GTF2E2: variants seen among roughly 807,000 people sequenced by gnomAD.
The protein encoded by GTF2E2 is transcription initiation factor IIE subunit beta.
A neutral mutation model predicts 40.5 loss-of-function variants in GTF2E2; 21 were observed. The ratio of observed to expected loss-of-function variants is 0.52; its 90% confidence interval spans 0.37 to 0.75. The LOEUF (loss-of-function observed/expected upper bound fraction) is 0.75, where lower values mean the gene tolerates loss of function less well. Ranked by LOEUF, GTF2E2 falls within the 30% of genes least tolerant of loss-of-function variation. The pLI, the probability that GTF2E2 is intolerant of heterozygous loss-of-function variation, is 0.00. For synonymous variants in GTF2E2, 117 were observed against 121.6 expected (o/e 0.96, Z 0.25); for missense variants, 298 against 338.4 (o/e 0.88, Z 0.94).
At chr8:30,586,027 A>C (rs188024223) in intron 6 of GTF2E2, among the ~76,000 whole-genome samples, 10 of 152,060 alleles carry the variant, frequency 6.6e-5, no homozygotes, top group Admixed American at 4.6e-4. Context: ...TGTGAGCTAC[A>C]ATTGTGCCAC....
intron 1 of GTF2E2, among the ~76,000 whole-genome samples, chr8:30,656,157 G>A (rs1447742181): frequency 6.6e-6 from 1 of 152,138 alleles, no homozygotes; most frequent in Non-Finnish European, 1.5e-5. Context: ...AACCCACAAG[G>A]CCTCTACATT....
At position 30,580,321 on chromosome 8, in the gene GTF2E2, T is replaced by C; in HGVS notation, c.719A>G (p.Gln240Arg). 2 of 1,610,124 alleles carry C rather than the reference T, an allele frequency of 1.2e-6. No homozygotes were observed. Among genetic ancestry groups the C allele is most frequent in the South Asian group, 1.1e-5 (1 of 90,990 alleles). ...AGATTCCTGCATGGAAGAAATACCC[T>C]GTCGCTTCAGATATTCTTCAATTTT... ...EEKIEEYLKR[Q>R]GISSMQESGP... Residue 240 changes from glutamine to arginine, a missense_variant, in exon 7 of 8, where the codon CAG becomes CGG. By Grantham distance (43) the Gln-to-Arg change is conservative. Coordinates refer to ENST00000355904, the MANE Select transcript of GTF2E2 (RefSeq NM_002095.6).
Position 30,578,946 on chromosome 8 carries a change from TA to T in GTF2E2, c.850del (p.Tyr284ThrfsTer28). ...NEHLAGVLKDYSDITSSK is the reference protein window; with the variant it reads ...NEHLAGVLKDXSDITSSK ...CTATTTGCTGGAAGTAATGTCAGAGTAATCCTTCAGCACTCCAGCCAAGTGT... is the reference window on the plus strand; with the variant it reads ...CTATTTGCTGGAAGTAATGTCAGAGTATCCTTCAGCACTCCAGCCAAGTGT... On this transcript the variant is annotated frameshift_variant, in exon 8 of 8. Transcript: ENST00000355904. LOFTEE classifies it high-confidence loss of function. 6.3e-7 allele frequency: 1 copy of T among 1,585,890 alleles called. No homozygotes were observed. Among genetic ancestry groups the T allele is most frequent in the Non-Finnish European group, 8.7e-7 (1 of 1,154,328 alleles).
intron 4 of GTF2E2, among the ~76,000 whole-genome samples, chr8:30,614,063 A>T (rs148133058): frequency 1.7e-3 from 259 of 152,368 alleles, no homozygotes; most frequent in African/African-American, 5.9e-3. Flanking sequence ...TAAATCTGGC[A>T]ATACAAAATA....
intron 3 of GTF2E2, among the ~76,000 whole-genome samples, chr8:30,619,781 G>A (rs752267618): frequency 9.9e-5 from 15 of 151,964 alleles, no homozygotes; most frequent in South Asian, 2.1e-4. Context: ...ATTTATAGCC[G>A]CTGAGTGAAT....
intron 3 of GTF2E2, among the ~76,000 whole-genome samples, chr8:30,623,950 A>C (rs1049886865): frequency 1.4e-4 from 21 of 151,584 alleles, no homozygotes; most frequent in African/African-American, 5.1e-4. Flanking sequence ...ATTTTCTCCC[A>C]TTCTGTAGGT....
chr8:30,647,319 G>A (rs1263256553), intron 2 of GTF2E2, among the ~76,000 whole-genome samples: 1 of 152,140 alleles, frequency 6.6e-6, no homozygotes, highest in East Asian at 1.9e-4. Flanking sequence ...GGTGGCTCAC[G>A]CCTGCAATCC....
At chr8:30,648,948 G>A (rs1207348969) in intron 2 of GTF2E2, among the ~76,000 whole-genome samples, 1 of 152,166 alleles carries the variant, frequency 6.6e-6, no homozygotes, top group African/African-American at 2.4e-5. Flanking sequence ...CTGTCGAATG[G>A]GACCTGTTTG....
At chr8:30,620,054 TAA>T in intron 3 of GTF2E2, among the ~76,000 whole-genome samples, 1 of 151,948 alleles carries the variant, frequency 6.6e-6, no homozygotes, top group East Asian at 1.9e-4. Context: ...ACTGACAGAG[TAA>T]AGAGATGCTC....
rs1212674222 is a variant in GTF2E2 at position 30,601,492 on chromosome 8, A to C, written c.643+5565T>G. On this transcript the variant is annotated intron_variant, in intron 6 of 7. Coordinates refer to ENST00000355904, the MANE Select transcript of GTF2E2 (RefSeq NM_002095.6). ...AAGCTAAGCTACTGGTATCTAAACAAGCCAAGGATGCTGATCAATGCCCTA... is the reference window on the plus strand; with the variant it reads ...AAGCTAAGCTACTGGTATCTAAACACGCCAAGGATGCTGATCAATGCCCTA... Among the ~76,000 whole-genome samples the C allele has an allele frequency of 7.2e-5, 11 of 152,318 alleles. 1 individual carries two copies. The South Asian group carries it at 1.7e-3, about 23-fold the overall frequency.
chr8:30,587,353 C>T (rs1365335725), intron 6 of GTF2E2, among the ~76,000 whole-genome samples: 2 of 151,644 alleles, frequency 1.3e-5, no homozygotes, highest in Admixed American at 6.6e-5. Flanking sequence ...GTGGAGGCTG[C>T]AGTTAGCTGA....
chr8:30,597,840 C>A (rs1563479350), intron 6 of GTF2E2, among the ~76,000 whole-genome samples: 1 of 152,174 alleles, frequency 6.6e-6, no homozygotes, highest in Admixed American at 6.5e-5. Flanking sequence ...TCACTATAGG[C>A]ATATATGAAA....
rs560472936 is a variant in GTF2E2, at chr8:30,613,456, T to C, written c.367-975A>G. On this transcript the variant is annotated intron_variant, in intron 4 of 7. Coordinates refer to ENST00000355904, the MANE Select transcript of GTF2E2 (RefSeq NM_002095.6). ...TCTTCAAAAAGAGCAACCCTATATATTTTCTTCTGCAGCTGCCAGCCTGAC... is the reference window on the plus strand; with the variant it reads ...TCTTCAAAAAGAGCAACCCTATATACTTTCTTCTGCAGCTGCCAGCCTGAC... 4.6e-5 allele frequency among the ~76,000 whole-genome samples: 7 copies of C among 152,304 alleles called. No homozygotes were observed. In the South Asian group the frequency reaches 1.0e-3, roughly 23 times the overall value.
At chr8:30,651,453 T>C (rs1586011769) in intron 2 of GTF2E2, among the ~76,000 whole-genome samples, 1 of 151,820 alleles carries the variant, frequency 6.6e-6, no homozygotes, top group Non-Finnish European at 1.5e-5. Flanking sequence ...ATAAGTGAGA[T>C]TGAATCAGAA....
intron 3 of GTF2E2, among the ~76,000 whole-genome samples, chr8:30,624,949 T>C (rs1359955909): frequency 1.5e-5 from 2 of 134,338 alleles, no homozygotes; most frequent in Non-Finnish European, 3.2e-5. Flanking sequence ...TCATGTCATC[T>C]GCAAACAGGG....
intron 2 of GTF2E2, chr8:30,645,163 CATTA>C (rs1802020782): frequency 1.1e-6 from 1 of 870,356 alleles, no homozygotes; most frequent in Admixed American, 3.0e-5. Context: ...ACCATTTAGG[CATTA>C]ATTAAGGAAG....
chr8:30,644,295 C>G (rs1253383660), intron 2 of GTF2E2, among the ~76,000 whole-genome samples: 1 of 152,168 alleles, frequency 6.6e-6, no homozygotes, highest in East Asian at 1.9e-4. Flanking sequence ...TAACTGATAC[C>G]TTTGGGAGGG....
At chr8:30,598,783 C>A (rs1239014409) in intron 6 of GTF2E2, among the ~76,000 whole-genome samples, 1 of 152,152 alleles carries the variant, frequency 6.6e-6, no homozygotes, top group African/African-American at 2.4e-5. Flanking sequence ...CATGTGGGGA[C>A]AAAATGTTCA....
At chr8:30,646,365 C>CA (rs1414243106) in intron 2 of GTF2E2, among the ~76,000 whole-genome samples, 1 of 151,878 alleles carries the variant, frequency 6.6e-6, no homozygotes, top group Non-Finnish European at 1.5e-5. Flanking sequence ...CCCATCCCCC[C>CA]AAAAAAGGTC....
Sources: allele counts gnomAD v4.1 joint callset (sites outside exome capture counted in the v4.1 genomes callset), GRCh38; gene constraint gnomAD v4.1.1; transcripts MANE v1.5; gene names NCBI Gene and HGNC (gene_info 2026-07-23, HGNC 2026-07-21).